PGF: variants seen among roughly 807,000 people sequenced by gnomAD.
PGF encodes placenta growth factor.
A neutral mutation model predicts 25.3 loss-of-function variants in PGF; 11 were observed. The observed-to-expected ratio is 0.43, with a 90% CI of 0.27 to 0.72. The LOEUF (loss-of-function observed/expected upper bound fraction) is 0.72, where lower values mean the gene tolerates loss of function less well. PGF is among the 30% of genes least tolerant of loss of function. The probability of loss-of-function intolerance (pLI) is 0.18; values close to 1 mark genes in which losing one functional copy is unlikely to be tolerated. For synonymous variants in PGF, 105 were observed against 97.9 expected (o/e 1.07, Z -0.43); for missense variants, 230 against 234.9 (o/e 0.98, Z 0.14).
intron 6 of PGF, 86 bp downstream of exon 6, chr14:74,946,127 C>T: frequency 8.0e-7 from 1 of 1,251,502 alleles, no homozygotes; most frequent in Non-Finnish European, 1.2e-6. Context: ...TCCTGCCTCT[C>T]CCCCTCCCCA....
chr14:74,942,440 C>T lies in PGF; in HGVS notation c.*266G>A, dbSNP rs1888622966. The T allele has an allele frequency of 2.1e-6, 1 of 474,706 alleles. No homozygotes were observed. The highest frequency in any genetic ancestry group is 2.1e-5 in the African/African-American group (1 of 48,570). The allele number at this position is 474,706 out of a possible 1,614,324, so 29.4% of individuals were successfully genotyped here. The stretch of plus-strand genomic sequence containing the variant: ...AGGGCCTCTGGGGCCTAGCTTGCCC[C>T]TCACGAGGCCACGTGTCTTGCTTCT... On this transcript the variant is annotated 3_prime_UTR_variant, in exon 7 of 7. Coordinates refer to ENST00000555567, the MANE Select transcript of PGF (RefSeq NM_002632.6).
At chr14:74,944,250 C>G (rs747394876) in intron 6 of PGF, among the ~76,000 whole-genome samples, 10 of 151,246 alleles carry the variant, frequency 6.6e-5, no homozygotes, top group Non-Finnish European at 1.3e-4. Flanking sequence ...CTATAGGCAC[C>G]CACCACCACA....
At chr14:74,946,713 T>C in intron 4 of PGF, 1 of 696,556 alleles carries the variant, frequency 1.4e-6, no homozygotes. Context: ...GTCTGTTCTC[T>C]GTTGCTTTTT....
Position 74,955,340 on chromosome 14 carries a change from G to C in PGF, c.-98C>G, listed in dbSNP as rs1888963790. 1 of 611,140 alleles carries C rather than the reference G, an allele frequency of 1.6e-6. No individual in the cohort carries two copies. The highest frequency in any genetic ancestry group is 3.5e-5 in the East Asian group (1 of 28,964). 37.9% of individuals were successfully genotyped at this position (611,140 alleles called of 1,614,324 possible). A position where few individuals can be genotyped will look rare whatever the true frequency, so the allele number is the denominator to read the frequency against. On this transcript the variant is annotated 5_prime_UTR_variant, in exon 1 of 7. Transcript: ENST00000555567. The surrounding 1 kb of genome is among the most constrained non-coding windows in gnomAD (Gnocchi z 4.1). The stretch of plus-strand genomic sequence containing the variant: ...CAGGAGGAGAAGAGCTGAGTGGGGG[G>C]CTGGACGCCTCCCTCACTGCTGCCC...
At chr14:74,947,754 A>G (rs1415208930) in intron 4 of PGF, 1 of 152,250 alleles carries the variant, frequency 6.6e-6, no homozygotes, top group Non-Finnish European at 1.5e-5. Context: ...TAGGTACACA[A>G]TAAGTGGTAG....
intron 6 of PGF, among the ~76,000 whole-genome samples, chr14:74,943,146 CAG>C (rs751602625): frequency 2.0e-5 from 3 of 152,312 alleles, no homozygotes; most frequent in South Asian, 2.1e-4. Context: ...AGTCTCCAAA[CAG>C]GGGAGTACCG....
chr14:74,952,150 C>T (rs1888886971), intron 2 of PGF, among the ~76,000 whole-genome samples: 1 of 152,144 alleles, frequency 6.6e-6, no homozygotes, highest in Non-Finnish European at 1.5e-5. Context: ...AGTGAGCCTC[C>T]CACCTGCCTA....
Position 74,955,467 on chromosome 14 carries a change from C to T in PGF, c.-225G>A, listed in dbSNP as rs549282502. The T allele has an allele frequency of 5.1e-6, 2 of 389,328 alleles. No individual in the cohort carries two copies. Among genetic ancestry groups the T allele is most frequent in the African/African-American group, 2.1e-5 (1 of 48,442 alleles). 24.1% of individuals were successfully genotyped at this position (389,328 alleles called of 1,614,324 possible). A position where few individuals can be genotyped will look rare whatever the true frequency, so the allele number is the denominator to read the frequency against. ...GGGAACCCGACGGGGAGCGGCCCGG[C>T]GGGGCGGGGCGCCGAGGGGCAGGCG... On this transcript the variant is annotated 5_prime_UTR_variant, in exon 1 of 7. Coordinates refer to ENST00000555567, the MANE Select transcript of PGF (RefSeq NM_002632.6). The surrounding 1 kb of genome is among the most constrained non-coding windows in gnomAD (Gnocchi z 4.1).
intron 4 of PGF, 178 bp downstream of exon 4, chr14:74,948,329 G>C (rs939650690): frequency 3.1e-5 from 15 of 487,634 alleles, no homozygotes; most frequent in Middle Eastern, 5.4e-4. Context: ...CTGGTGGGGG[G>C]ACAAAATGAA....
In PGF at chr14:74,949,526, C is replaced by A; in HGVS notation, c.146G>T (p.Arg49Leu). 1 of 1,588,238 alleles carries A rather than the reference C, an allele frequency of 6.3e-7. No homozygotes were observed. Among genetic ancestry groups the A allele is most frequent in the South Asian group, 1.2e-5 (1 of 86,736 alleles). Residue 49 changes from arginine (R) to leucine (L), a missense_variant, in exon 3 of 7, where the codon CGC (arginine) becomes CTC (leucine). Physicochemically the swap from Arg to Leu is moderately radical, Grantham distance 102. Coordinates refer to ENST00000555567, the MANE Select transcript of PGF (RefSeq NM_002632.6). ...EVVPFQEVWG[R>L]SYCRALERLV... ...CCTCTCCAGCGCCCGGCAGTAGCTG[C>A]GGCCCCACACTTCCTGGAAGGGTAC... is the stretch of plus-strand genomic sequence containing the variant.
chr14:74,954,021 A>G (rs1207329451), intron 1 of PGF, 75 bp from the exon 2 acceptor site: 1 of 1,494,528 alleles, frequency 6.7e-7, no homozygotes, highest in Non-Finnish European at 9.3e-7. Flanking sequence ...TGTGATGGCA[A>G]GAAGGTAGGG....
intron 2 of PGF, among the ~76,000 whole-genome samples, 158 bp from the exon 3 acceptor site, chr14:74,949,711 C>T (rs529027912): frequency 1.6e-4 from 25 of 152,336 alleles, no homozygotes; most frequent in Admixed American, 1.1e-3. Context: ...TCCGAAATGC[C>T]TGCGGGCCCC....
chr14:74,951,665 CAGA>C (rs1054509642), intron 2 of PGF, among the ~76,000 whole-genome samples: 10 of 152,312 alleles, frequency 6.6e-5, no homozygotes, highest in South Asian at 2.1e-4. Flanking sequence ...GCCTCGGCAG[CAGA>C]AGAAGGGATT....
rs770343272 is a variant in PGF at position 74,949,338 on chromosome 14, G to T, written c.315+19C>A. On this transcript the variant is annotated intron_variant, in intron 3 of 6. Transcript: ENST00000555567. ...TAGTGGGCAGATTCGGTGGCCCCCTGGGCAGGGTATGGACCTACCTGCATG... is the reference window on the plus strand; with the variant it reads ...TAGTGGGCAGATTCGGTGGCCCCCTTGGCAGGGTATGGACCTACCTGCATG... The T allele has an allele frequency of 4.7e-6, 7 of 1,481,818 alleles. No individual in the cohort carries two copies. Among genetic ancestry groups the T allele is most frequent in the Non-Finnish European group, 6.3e-6 (7 of 1,107,514 alleles). The allele number at this position is 1,481,818 out of a possible 1,614,324, so 91.8% of individuals were successfully genotyped here.
chr14:74,942,852 C>T (rs371054417), intron 6 of PGF, 119 bp from the exon 7 acceptor site: 13 of 847,984 alleles, frequency 1.5e-5, no homozygotes, highest in Middle Eastern at 5.0e-4. Context: ...ATGGGGAGGG[C>T]GCAGTGCTCC....
chr14:74,949,228 G>A, intron 3 of PGF, 129 bp downstream of exon 3: 1 of 690,234 alleles, frequency 1.4e-6, no homozygotes, highest in Non-Finnish European at 2.3e-6. Flanking sequence ...AGAGGCCCTG[G>A]GCTGGGGTGG....
Position 74,953,999 on chromosome 14 carries a change from T to C in PGF, c.76-53A>G, listed in dbSNP as rs1888928922. ...CTGGGGGTACCTTGGAGCTCTGCAC[T>C]CTTGGGCCAAGTGTGATGGCAAGAA... is the stretch of plus-strand genomic sequence containing the variant. On this transcript the variant is annotated intron_variant, in intron 1 of 6. Coordinates refer to ENST00000555567, the MANE Select transcript of PGF (RefSeq NM_002632.6). This position sits in a 1 kb window ranked among gnomAD's most constrained non-coding sequence, Gnocchi z 5.4. 4 of 1,582,494 alleles carry C rather than the reference T, an allele frequency of 2.5e-6. No individual in the cohort carries two copies. Among genetic ancestry groups the C allele is most frequent in the African/African-American group, 2.7e-5 (2 of 74,282 alleles).
At chr14:74,954,133 C>T in intron 1 of PGF, 187 bp from the exon 2 acceptor site, 2 of 605,682 alleles carry the variant, frequency 3.3e-6, no homozygotes, top group Non-Finnish European at 6.0e-6. Context: ...GGTTAGGTCC[C>T]ACCCCTCTCT....
chr14:74,948,238 G>C (rs902053727), intron 4 of PGF: 2 of 361,340 alleles, frequency 5.5e-6, no homozygotes, highest in African/African-American at 4.2e-5. Flanking sequence ...GAGGCTGGGA[G>C]GGACCCACCC....
Sources: allele counts gnomAD v4.1 joint callset (sites outside exome capture counted in the v4.1 genomes callset), GRCh38; gene constraint gnomAD v4.1.1; non-coding constraint Gnocchi (gnomAD v3.1); transcripts MANE v1.5; gene names NCBI Gene and HGNC (gene_info 2026-07-23, HGNC 2026-07-21).